Variants in TULP4 observed in about 807,000 individuals in gnomAD.
TULP4 encodes TUB like protein 4, also known as tubby-related protein 4.
Under a neutral mutation model 129.0 loss-of-function variants are expected in TULP4, and 16 were observed. The ratio of observed to expected loss-of-function variants is 0.12; its 90% confidence interval spans 0.08 to 0.19. The LOEUF (loss-of-function observed/expected upper bound fraction) is 0.19, where lower values mean the gene tolerates loss of function less well. TULP4 is among the 10% of genes least tolerant of loss of function. The pLI, the probability that TULP4 is intolerant of heterozygous loss-of-function variation, is 1.00. For missense variants in TULP4, 1,842 were observed against 2,059.1 expected, an observed-to-expected ratio of 0.89 and a Z score of 2.04; for synonymous variants, 998 against 854.0, an observed-to-expected ratio of 1.17 and a Z score of -2.94.
chr6:158,262,169 G>A (rs1009990947), intron 1 of TULP4, among the ~76,000 whole-genome samples: 1 of 152,192 alleles, frequency 6.6e-6, no homozygotes, highest in African/African-American at 2.4e-5. Context: ...AAGCACCAGT[G>A]CCTTCATTCC....
chr6:158,294,988 G>A (rs1779004043), intron 1 of TULP4, among the ~76,000 whole-genome samples: 1 of 152,202 alleles, frequency 6.6e-6, no homozygotes, highest in African/African-American at 2.4e-5. Flanking sequence ...TGGGATTACA[G>A]GCATGAGCCA....
At chr6:158,262,845 G>A (rs536450923) in intron 1 of TULP4, among the ~76,000 whole-genome samples, 6 of 121,204 alleles carry the variant, frequency 5.0e-5, no homozygotes, top group Non-Finnish European at 1.1e-4. Flanking sequence ...TTTTGGAATT[G>A]TTTTGCTTTT....
At chr6:158,307,955 G>A (rs144464385), upstream of TULP4, among the ~76,000 whole-genome samples, 31 of 151,476 alleles carry the variant, frequency 2.0e-4, no homozygotes, top group African/African-American at 6.5e-4. Context: ...GCTGATTTTC[G>A]CAAACATCTA....
intron 1 of TULP4, among the ~76,000 whole-genome samples, chr6:158,293,241 C>T (rs1354638427): frequency 1.3e-5 from 2 of 152,208 alleles, no homozygotes; most frequent in African/African-American, 2.4e-5. Flanking sequence ...CTGAACTTGG[C>T]AGTGGACCTG....
intron 6 of TULP4, among the ~76,000 whole-genome samples, chr6:158,464,995 G>A (rs897606818): frequency 6.6e-6 from 1 of 152,176 alleles, no homozygotes; most frequent in African/African-American, 2.4e-5. Flanking sequence ...TCAACGTGAT[G>A]GTATGTCATA....
At chr6:158,358,970 A>G (rs828001) in intron 1 of TULP4, among the ~76,000 whole-genome samples, 129,950 of 152,152 alleles carry the variant, frequency 0.85, 55,880 homozygotes, top group South Asian at 0.93. Context: ...GCATGTGCCA[A>G]TCTAAGCCGT....
intron 1 of TULP4, among the ~76,000 whole-genome samples, chr6:158,400,870 A>G (rs1777826408): frequency 6.6e-6 from 1 of 152,066 alleles, no homozygotes; most frequent in Admixed American, 6.5e-5. Flanking sequence ...CAAACATTAT[A>G]CAGTACAATG....
chr6:158,402,696 T>A (rs1562551651), intron 1 of TULP4, among the ~76,000 whole-genome samples: 2 of 152,250 alleles, frequency 1.3e-5, no homozygotes, highest in Non-Finnish European at 2.9e-5. Context: ...GATAATGCCA[T>A]ATTAAAGGTC....
chr6:158,449,053 C>T lies in TULP4; in HGVS notation c.601C>T (p.Leu201=). ...TGTCATGGATTGCCACGGCAGAATG[C>T]TGGCCCACGTCCTCTTGCACGAGTC... ...VIVMDCHGRM[L]AHVLLHESDG... The change falls in exon 4 of 14, where the codon CTG becomes TTG. Residue 201 remains leucine, a synonymous_variant. Coordinates refer to ENST00000367097, the MANE Select transcript of TULP4 (RefSeq NM_020245.5). 7 of 1,613,884 alleles carry T rather than the reference C, an allele frequency of 4.3e-6. No homozygotes were observed. Among genetic ancestry groups the T allele is most frequent in the Admixed American group, 3.3e-5 (2 of 60,030 alleles).
intron 3 of TULP4, among the ~76,000 whole-genome samples, chr6:158,432,372 G>C (rs1269282994): frequency 2.6e-5 from 4 of 152,128 alleles, no homozygotes; most frequent in African/African-American, 4.8e-5. Context: ...GCGCACCCCT[G>C]CAGCTCAGGG....
chr6:158,502,141 C>G lies in TULP4; in HGVS notation c.2478C>G (p.Val826=), dbSNP rs1473789199. 21 of 1,603,600 alleles carry G rather than the reference C, an allele frequency of 1.3e-5. No individual in the cohort carries two copies. Among genetic ancestry groups the G allele is most frequent in the Non-Finnish European group, 1.7e-5 (20 of 1,175,114 alleles). Residue 826 remains valine, a synonymous_variant, in exon 13 of 14, where the codon GTC becomes GTG. Transcript: ENST00000367097. Reference sequence around the variant, plus strand: ...TGGTCTTTAGTGCCCCCCAGGAGGTCCAGGTGACGAAGATAAACCCTCCAC... The same window carrying G: ...TGGTCTTTAGTGCCCCCCAGGAGGTGCAGGTGACGAAGATAAACCCTCCAC... The part of the protein sequence containing the change: ...DAVVFSAPQE[V]QVTKINPPPP...
intron 1 of TULP4, among the ~76,000 whole-genome samples, chr6:158,241,245 C>T (rs576644152): frequency 4.1e-5 from 5 of 122,276 alleles, no homozygotes; most frequent in East Asian, 2.8e-4. Context: ...CGGGCGGAGA[C>T]GCTCCTCACT....
At chr6:158,254,334 G>A (rs1187078103) in intron 1 of TULP4, among the ~76,000 whole-genome samples, 1 of 152,096 alleles carries the variant, frequency 6.6e-6, no homozygotes, top group Admixed American at 6.5e-5. Flanking sequence ...GTAGAGATGG[G>A]GTTTTGCCAT....
At chr6:158,392,219 A>G (rs550052737) in intron 1 of TULP4, among the ~76,000 whole-genome samples, 4 of 152,294 alleles carry the variant, frequency 2.6e-5, no homozygotes, top group South Asian at 4.2e-4. Flanking sequence ...TTTTAAAACC[A>G]TCAGATCTCA....
In TULP4 at chr6:158,469,261, A is replaced by G. The variant is rs191643736; in HGVS notation, c.1026+7532A>G. ...CTGTGAGGAGGAGGAGGTCAGTACT[A>G]GTGAAAACAGACCTTTTTTTTTTTT... On this transcript the variant is annotated intron_variant, in intron 6 of 13. Transcript: ENST00000367097. Among the ~76,000 whole-genome samples, 3 of 151,772 alleles carry G rather than the reference A, an allele frequency of 2.0e-5. No individual in the cohort carries two copies. In the East Asian group the frequency reaches 5.8e-4, roughly 29 times the overall value.
At chr6:158,437,559 CAAAT>C (rs1429903166) in intron 3 of TULP4, among the ~76,000 whole-genome samples, 10 of 151,506 alleles carry the variant, frequency 6.6e-5, no homozygotes, top group Non-Finnish European at 1.5e-5. Context: ...GATCCGGTCT[CAAAT>C]AAAATAAAAA....
intron 6 of TULP4, among the ~76,000 whole-genome samples, chr6:158,478,896 C>G (rs1434302086): frequency 6.6e-6 from 1 of 152,098 alleles, no homozygotes; most frequent in Non-Finnish European, 1.5e-5. Context: ...GCGAGGCTAC[C>G]ACAGGAACCG....
intron 1 of TULP4, among the ~76,000 whole-genome samples, chr6:158,254,024 G>C (rs1341149972): frequency 1.3e-5 from 2 of 151,796 alleles, no homozygotes; most frequent in South Asian, 2.1e-4. Context: ...GGGTGATAGA[G>C]CAAGACTCTG....
intron 1 of TULP4, chr6:158,237,691 A>C: frequency 9.4e-7 from 1 of 1,064,324 alleles, no homozygotes; most frequent in Non-Finnish European, 1.4e-6. Flanking sequence ...TTTCTTTTTC[A>C]AATCTCCCTT....
Sources: allele counts gnomAD v4.1 joint callset (sites outside exome capture counted in the v4.1 genomes callset), GRCh38; gene constraint gnomAD v4.1.1; transcripts MANE v1.5; gene names NCBI Gene and HGNC (gene_info 2026-07-23, HGNC 2026-07-21).